Variants in ENTHD1 observed in about 807,000 individuals in gnomAD.
The protein encoded by ENTHD1 is ENTH domain-containing protein 1.
Under a neutral mutation model 39.1 loss-of-function variants are expected in ENTHD1, and 23 were observed. That is an observed-to-expected ratio of 0.59 (90% CI 0.42 to 0.83). The LOEUF is 0.83. Ranked by LOEUF, ENTHD1 falls within the 40% of genes least tolerant of loss-of-function variation. The pLI, the probability that ENTHD1 is intolerant of heterozygous loss-of-function variation, is 0.00. For synonymous variants in ENTHD1, 230 were observed against 258.2 expected (o/e 0.89, Z 1.05); for missense variants, 624 against 705.4 (o/e 0.88, Z 1.31).
chr22:39,809,803 G>A (rs1395272056), intron 5 of ENTHD1, among the ~76,000 whole-genome samples: 1 of 152,174 alleles, frequency 6.6e-6, no homozygotes, highest in African/African-American at 2.4e-5. Context: ...CTGGGGTCCT[G>A]GAGCAGTAAA....
chr22:39,852,691 A>G (rs1039147319), intron 3 of ENTHD1, among the ~76,000 whole-genome samples: 1 of 152,214 alleles, frequency 6.6e-6, no homozygotes, highest in African/African-American at 2.4e-5. Context: ...CACAAGGACA[A>G]TTGTAACACA....
At chr22:39,855,915 C>T (rs2066081373) in intron 3 of ENTHD1, among the ~76,000 whole-genome samples, 1 of 152,128 alleles carries the variant, frequency 6.6e-6, no homozygotes, top group Admixed American at 6.6e-5. Flanking sequence ...TGTGGATGCA[C>T]CTCCTTCTAA....
chr22:39,800,946 A>G (rs11703943), intron 5 of ENTHD1, among the ~76,000 whole-genome samples: 15,574 of 152,258 alleles, frequency 0.1, 936 homozygotes, highest in Middle Eastern at 0.14. Context: ...CTGTTTGAAG[A>G]GGAAGTGACA....
intron 2 of ENTHD1, among the ~76,000 whole-genome samples, chr22:39,878,835 C>T (rs2066311667): frequency 2.0e-5 from 3 of 151,970 alleles, no homozygotes. Flanking sequence ...TTTGATTATA[C>T]ATGCTTACAC....
rs938099851 is a variant in ENTHD1, at chr22:39,765,458, T to A, written c.984A>T (p.Thr328=). 2.5e-6 allele frequency: 4 copies of A among 1,613,936 alleles called. No individual in the cohort carries two copies. Among genetic ancestry groups the A allele is most frequent in the East Asian group, 4.5e-5 (2 of 44,864 alleles). ...ACCAACATGCTGGTAAAATTGTCAA[T>A]GTTTTAAGACCTTCTGCAGCTGATT... ...EKQSAAEGLK[T]LTILPACWSS... Residue 328 remains threonine (T), a synonymous_variant, in exon 6 of 7, where the codon ACA becomes ACT. Transcript: ENST00000325157.
chr22:39,788,507 T>C lies in ENTHD1; in HGVS notation c.833-22898A>G, dbSNP rs140890737. Among the ~76,000 whole-genome samples the C allele has an allele frequency of 3.6e-4, 55 of 152,292 alleles. 1 individual carries two copies. Among genetic ancestry groups the C allele is most frequent in the African/African-American group, 1.3e-3 (52 of 41,578 alleles). ...TCTTATGGATGAGCAAAGAAAGTGG[T>C]TTAGGAGATGGAATCTATTAGTGAA... On this transcript the variant is annotated intron_variant, in intron 5 of 6. Transcript: ENST00000325157.
chr22:39,811,313 C>G (rs189686992), intron 5 of ENTHD1, among the ~76,000 whole-genome samples: 1 of 152,134 alleles, frequency 6.6e-6, no homozygotes, highest in Non-Finnish European at 1.5e-5. Flanking sequence ...AACAAAAGGC[C>G]CTGCAGCAGG....
chr22:39,765,931 G>C (rs1346586649), intron 5 of ENTHD1, among the ~76,000 whole-genome samples: 11 of 134,166 alleles, frequency 8.2e-5, no homozygotes. Flanking sequence ...CATATTTTTA[G>C]TACTTTCCAA....
chr22:39,855,308 C>G (rs1000028201), intron 3 of ENTHD1, among the ~76,000 whole-genome samples: 6 of 152,180 alleles, frequency 3.9e-5, no homozygotes, highest in Admixed American at 3.9e-4. Flanking sequence ...ATGAATTGCT[C>G]TGAGTACTCT....
At chr22:39,770,741 T>G (rs541479375) in intron 5 of ENTHD1, among the ~76,000 whole-genome samples, 59 of 152,332 alleles carry the variant, frequency 3.9e-4, no homozygotes, top group African/African-American at 1.4e-3. Context: ...CATGTTTTAG[T>G]TTGGATACCC....
intron 4 of ENTHD1, among the ~76,000 whole-genome samples, chr22:39,822,147 G>A (rs1775703946): frequency 6.6e-6 from 1 of 151,352 alleles, no homozygotes; most frequent in Non-Finnish European, 1.5e-5. Flanking sequence ...CAGCTTGTTT[G>A]AAAAGGATCC....
chr22:39,839,981 T>G (rs997414809), intron 3 of ENTHD1, among the ~76,000 whole-genome samples: 2 of 152,204 alleles, frequency 1.3e-5, no homozygotes, highest in Admixed American at 1.3e-4. Context: ...CTATGGAAAC[T>G]CATTAAATTT....
chr22:39,837,266 G>A (rs1231946854), intron 3 of ENTHD1, among the ~76,000 whole-genome samples: 2 of 152,116 alleles, frequency 1.3e-5, no homozygotes, highest in African/African-American at 4.8e-5. Context: ...CAAGGGCTAG[G>A]TGGGCATAGA....
chr22:39,788,952 G>A (rs945336304), intron 5 of ENTHD1, among the ~76,000 whole-genome samples: 1 of 152,210 alleles, frequency 6.6e-6, no homozygotes, highest in East Asian at 1.9e-4. Context: ...CTGCACATTA[G>A]TAGACTGTAG....
chr22:39,861,934 C>A lies in ENTHD1; in HGVS notation c.423G>T (p.Arg141Ser). The A allele has an allele frequency of 6.3e-7, 1 of 1,596,272 alleles. No homozygotes were observed. The highest frequency in any genetic ancestry group is 1.1e-5 in the South Asian group (1 of 88,290). ...GCTGTCTAGTCCGACATGCCACTTC[C>A]CTCTCTTTACACAGCAATGGTTCAT... is the stretch of plus-strand genomic sequence containing the variant. ...LMDEPLLCKE[R>S]EVACRTRQRT... Residue 141 changes from arginine (R) to serine (S), a missense_variant, in exon 3 of 7, where the codon AGG becomes AGT. Arg to Ser is a moderately radical substitution (Grantham distance 110, BLOSUM62 -1). Transcript: ENST00000325157.
chr22:39,765,624 A>G lies in ENTHD1; in HGVS notation c.833-15T>C. The G allele has an allele frequency of 6.4e-7, 1 of 1,567,654 alleles. No homozygotes were observed. The highest frequency in any genetic ancestry group is 8.6e-7 in the Non-Finnish European group (1 of 1,160,650). On this transcript the variant is annotated splice_polypyrimidine_tract_variant and intron_variant, in intron 5 of 6. Transcript: ENST00000325157. ...AGGCACAGCATCTATAAAAGAACAA[A>G]TAAGAGCTATAATCAAAAAATAAAA...
intron 4 of ENTHD1, among the ~76,000 whole-genome samples, chr22:39,828,410 A>G (rs1224133083): frequency 3.9e-5 from 6 of 152,262 alleles, no homozygotes; most frequent in Admixed American, 6.5e-5. Flanking sequence ...TAACATAATT[A>G]GAATAAGTAG....
intron 6 of ENTHD1, among the ~76,000 whole-genome samples, chr22:39,752,557 T>G (rs2065155647): frequency 6.6e-6 from 1 of 152,222 alleles, no homozygotes. Context: ...GTACATTAAT[T>G]AGATTTCAAT....
chr22:39,831,011 T>G (rs891111734), intron 4 of ENTHD1, among the ~76,000 whole-genome samples: 2 of 152,160 alleles, frequency 1.3e-5, no homozygotes, highest in Non-Finnish European at 2.9e-5. Flanking sequence ...TGTGGACCTT[T>G]GGGGCTCTGG....
Sources: gnomAD v4.1 joint callset for allele counts (sites outside exome capture counted in the v4.1 genomes callset) on GRCh38, gnomAD v4.1.1 for gene constraint, MANE v1.5 for transcripts, NCBI Gene and HGNC (gene_info 2026-07-23, HGNC 2026-07-21) for gene names.